HKDC1: variants seen among roughly 807,000 people sequenced by gnomAD.
HKDC1 encodes the protein hexokinase domain containing 1, also known as hexokinase HKDC1.
HKDC1 carries 66 observed loss-of-function variants against 96.6 expected under a neutral mutation model. That is an observed-to-expected ratio of 0.68 (90% CI 0.56 to 0.84). The LOEUF is 0.84. Among genes scored for constraint, HKDC1 ranks in the 40% least tolerant of loss-of-function variants. The pLI is 0.00. For missense variants in HKDC1, 1,211 were observed against 1,208.1 expected (o/e 1.00, Z -0.04); for synonymous variants, 466 against 473.1 (o/e 0.98, Z 0.20).
chr10:69,226,416 G>A (rs1372755015), intron 1 of HKDC1, among the ~76,000 whole-genome samples: 1 of 152,168 alleles, frequency 6.6e-6, no homozygotes, highest in Non-Finnish European at 1.5e-5. Flanking sequence ...GGAGGCCGAG[G>A]CGTGTGGATC....
At chr10:69,239,236 C>T (rs1843415179) in intron 5 of HKDC1, 99 bp downstream of exon 5, 1 of 759,298 alleles carries the variant, frequency 1.3e-6, no homozygotes, top group Non-Finnish European at 2.2e-6. Flanking sequence ...ACATATGGTG[C>T]CTGCATGGAG....
intron 14 of HKDC1, 117 bp from the exon 15 acceptor site, chr10:69,258,659 G>A: frequency 2.0e-6 from 2 of 1,014,348 alleles, no homozygotes; most frequent in Non-Finnish European, 3.1e-6. Flanking sequence ...TGTAAAGCTG[G>A]AATCGCATCC....
intron 1 of HKDC1, among the ~76,000 whole-genome samples, chr10:69,223,501 G>A (rs1183359095): frequency 1.3e-5 from 2 of 150,472 alleles, no homozygotes. Context: ...ATGCCATAAT[G>A]TAGTTAACCT....
At chr10:69,251,619 G>A (rs1213647329) in intron 12 of HKDC1, among the ~76,000 whole-genome samples, 2 of 151,990 alleles carry the variant, frequency 1.3e-5, no homozygotes, top group Non-Finnish European at 2.9e-5. Context: ...CATGAACATG[G>A]GATATCTTTC....
chr10:69,229,905 G>A (rs957353329), intron 2 of HKDC1, among the ~76,000 whole-genome samples: 8 of 152,164 alleles, frequency 5.3e-5, no homozygotes, highest in Non-Finnish European at 1.0e-4. Context: ...TGTGGATGGC[G>A]TGCTTTAACA....
At chr10:69,250,713 A>G in intron 12 of HKDC1, 61 bp downstream of exon 12, 7 of 1,587,490 alleles carry the variant, frequency 4.4e-6, no homozygotes, top group Non-Finnish European at 6.0e-6. Context: ...TTCTGGGACC[A>G]TCTCCAGGTA....
chr10:69,257,127 G>A lies in HKDC1; in HGVS notation c.1928G>A (p.Arg643Lys). The A allele has an allele frequency of 6.2e-7, 1 of 1,613,744 alleles. No homozygotes were observed. Among genetic ancestry groups the A allele is most frequent in the Non-Finnish European group, 8.5e-7 (1 of 1,179,646 alleles). ...ATGCTCAGGGAAGCCATCAAGAGGA[G>A]AAACGTAGGATGTGGTGTTGAGGCT... ...VDMLREAIKR[R>K]NEFDLDIVAV... Residue 643 changes from arginine (R) to lysine (K), a missense_variant, in exon 13 of 18, where the codon AGA becomes AAA. Transcript: ENST00000354624.
At chr10:69,229,468 C>A (rs946028352) in intron 2 of HKDC1, among the ~76,000 whole-genome samples, 1 of 152,296 alleles carries the variant, frequency 6.6e-6, no homozygotes, top group East Asian at 1.9e-4. Context: ...AGTACTGGGA[C>A]GTGTCCTTGA....
chr10:69,263,708 A>T (rs2132381484), intron 16 of HKDC1, among the ~76,000 whole-genome samples: 1 of 152,342 alleles, frequency 6.6e-6, no homozygotes, highest in African/African-American at 2.4e-5. Context: ...GATTGCTCTG[A>T]GGATCAGGAA....
chr10:69,231,676 C>T (rs771426093), intron 2 of HKDC1, among the ~76,000 whole-genome samples: 1 of 152,180 alleles, frequency 6.6e-6, no homozygotes, highest in African/African-American at 2.4e-5. Context: ...TATTTCGGAT[C>T]AATTTCCCAG....
chr10:69,240,060 C>T (rs936361719), intron 5 of HKDC1, among the ~76,000 whole-genome samples: 1 of 152,200 alleles, frequency 6.6e-6, no homozygotes, highest in African/African-American at 2.4e-5. Context: ...TGCCTGCTGG[C>T]TGAGTTGTCC....
intron 16 of HKDC1, 134 bp from the exon 17 acceptor site, chr10:69,265,451 A>G: frequency 1.3e-6 from 1 of 742,194 alleles, no homozygotes; most frequent in South Asian, 1.6e-5. Context: ...ATTCTGCTCC[A>G]GCCTAGCCAT....
At chr10:69,255,479 C>G (rs891008504) in intron 12 of HKDC1, among the ~76,000 whole-genome samples, 3 of 152,170 alleles carry the variant, frequency 2.0e-5, no homozygotes, top group African/African-American at 4.8e-5. Flanking sequence ...ACTGCCTTTC[C>G]TGTCCCAGAG....
At chr10:69,243,582 C>T (rs982635534) in intron 7 of HKDC1, among the ~76,000 whole-genome samples, 1 of 151,802 alleles carries the variant, frequency 6.6e-6, no homozygotes, top group African/African-American at 2.4e-5. Flanking sequence ...CTGCAACCTC[C>T]ACCTTCCAGG....
rs148312270 is a variant in HKDC1, at chr10:69,261,265, C to T, written c.2343C>T (p.Phe781=). The change falls in exon 16 of 18, where the codon TTC becomes TTT. Residue 781 remains phenylalanine (F), a synonymous_variant. Coordinates refer to ENST00000354624, the MANE Select transcript of HKDC1 (RefSeq NM_025130.4). ...ISERLRTRGI[F]ETKFLSQIES... ...AGCGTCTCCGGACCAGGGGCATCTT[C>T]GAAACCAAGTTCCTGTCCCAGATCG... The T allele has an allele frequency of 9.5e-5, 153 of 1,614,098 alleles. No individual in the cohort carries two copies. The highest frequency in any genetic ancestry group is 5.3e-4 in the African/African-American group (40 of 75,052).
rs1302298325 is a variant in HKDC1, at chr10:69,257,383, C to T, written c.1989C>T (p.Thr663=). 2.5e-6 allele frequency: 4 copies of T among 1,614,094 alleles called. No homozygotes were observed. The highest frequency in any genetic ancestry group is 1.7e-5 in the Admixed American group (1 of 60,034). ...VVNDTVGTMM[T]CGYEDPNCEI... ...ATGATACAGTGGGGACCATGATGAC[C>T]TGTGGCTATGAAGATCCTAATTGTG... Residue 663 remains threonine, a synonymous_variant, in exon 14 of 18, where the codon ACC becomes ACT. Transcript: ENST00000354624.
chr10:69,232,844 C>T lies in HKDC1; in HGVS notation c.307C>T (p.Arg103Ter), dbSNP rs201010349. The T allele has an allele frequency of 9.9e-6, 16 of 1,614,048 alleles. No homozygotes were observed. The highest frequency in any genetic ancestry group is 4.5e-5 in the East Asian group (2 of 44,886). The change falls in exon 3 of 18, where the codon CGA becomes TGA. Residue 103 changes from arginine (R) to a stop codon, truncating the protein, a stop_gained. Coordinates refer to ENST00000354624, the MANE Select transcript of HKDC1 (RefSeq NM_025130.4). LOFTEE classifies it high-confidence loss of function. ...GGTGCAAGTCGCTGAAGAGGGGAAG[C>T]GACACGTGCAGATGGAGAGTCAGTT... is the stretch of plus-strand genomic sequence containing the variant. ...LKVQVAEEGKRHVQMESQFYP... is the reference protein window; with the variant it reads ...LKVQVAEEGK
chr10:69,238,181 T>G (rs921062545), intron 4 of HKDC1, among the ~76,000 whole-genome samples: 1 of 152,228 alleles, frequency 6.6e-6, no homozygotes, highest in Non-Finnish European at 1.5e-5. Flanking sequence ...TGGCCTCAAG[T>G]GATCCACCTG....
chr10:69,260,665 A>T (rs1320087778), intron 15 of HKDC1, among the ~76,000 whole-genome samples: 1 of 152,128 alleles, frequency 6.6e-6, no homozygotes, highest in Non-Finnish European at 1.5e-5. Context: ...TCACCATCAC[A>T]CACCCTGTGC....
Sources: allele counts gnomAD v4.1 joint callset (sites outside exome capture counted in the v4.1 genomes callset), GRCh38; gene constraint gnomAD v4.1.1; transcripts MANE v1.5; gene names NCBI Gene and HGNC (gene_info 2026-07-23, HGNC 2026-07-21).